CAMK4: variants seen among roughly 807,000 people sequenced by gnomAD.
The protein encoded by CAMK4 is calcium/calmodulin dependent protein kinase IV.
In CAMK4, 22 loss-of-function variants were observed where a neutral mutation model predicts 44.9. That is an observed-to-expected ratio of 0.49 (90% CI 0.35 to 0.70). The LOEUF is 0.70. CAMK4 is among the 30% of genes least tolerant of loss of function. CAMK4 has a pLI of 0.01. For missense variants in CAMK4, 498 were observed against 586.8 expected (o/e 0.85, Z 1.56); for synonymous variants, 218 against 215.4 (o/e 1.01, Z -0.11).
chr5:111,379,446 C>G (rs1235448065), intron 4 of CAMK4, among the ~76,000 whole-genome samples: 1 of 152,124 alleles, frequency 6.6e-6, no homozygotes, highest in Non-Finnish European at 1.5e-5. Context: ...GTAAAGCACT[C>G]AACTCTTAGT....
At chr5:111,449,426 T>C (rs1019048977) in intron 7 of CAMK4, among the ~76,000 whole-genome samples, 1 of 152,154 alleles carries the variant, frequency 6.6e-6, no homozygotes, top group Non-Finnish European at 1.5e-5. Flanking sequence ...TAGAATGCCT[T>C]TGAGCCAGTG....
At chr5:111,312,379 A>C (rs1748244071) in intron 1 of CAMK4, among the ~76,000 whole-genome samples, 1 of 152,186 alleles carries the variant, frequency 6.6e-6, no homozygotes, top group Non-Finnish European at 1.5e-5. Context: ...TTTCATCTGT[A>C]AAATAGACAT....
intron 2 of CAMK4, among the ~76,000 whole-genome samples, chr5:111,367,224 C>A (rs184665440): frequency 6.6e-6 from 1 of 150,902 alleles, no homozygotes; most frequent in African/African-American, 2.4e-5. Flanking sequence ...GGCAGATGGG[C>A]AGGATCCTGA....
intron 1 of CAMK4, among the ~76,000 whole-genome samples, chr5:111,263,948 T>C (rs907703747): frequency 3.9e-5 from 6 of 152,176 alleles, no homozygotes; most frequent in African/African-American, 1.4e-4. Flanking sequence ...AAAAGCCACC[T>C]CACCTCTTCC....
intron 5 of CAMK4, among the ~76,000 whole-genome samples, chr5:111,401,028 C>T: frequency 6.6e-6 from 1 of 152,168 alleles, no homozygotes; most frequent in Non-Finnish European, 1.5e-5. Context: ...GCCTTTCTTC[C>T]CTTTTTCTAG....
At chr5:111,319,836 TCCAA>T (rs199607101) in intron 1 of CAMK4, among the ~76,000 whole-genome samples, 8,941 of 152,150 alleles carry the variant, frequency 0.059, 353 homozygotes, top group African/African-American at 0.1. Context: ...AATGTTGACA[TCCAA>T]TTAAAAAAAA....
chr5:111,223,615 A>T (rs1366191328), upstream of CAMK4: 1 of 152,308 alleles, frequency 6.6e-6, no homozygotes, highest in Non-Finnish European at 1.5e-5. The surrounding 1 kb of genome is among the most constrained non-coding windows in gnomAD (Gnocchi z 4.3). Context: ...ACAGCCAAGT[A>T]TCTCCTCTTT....
intron 1 of CAMK4, among the ~76,000 whole-genome samples, chr5:111,247,612 T>G (rs531680575): frequency 6.6e-6 from 1 of 152,040 alleles, no homozygotes; most frequent in Admixed American, 6.6e-5. Flanking sequence ...CAATCGAAAG[T>G]CTGGAGCGGG....
intron 1 of CAMK4, among the ~76,000 whole-genome samples, chr5:111,269,463 A>G (rs1445296328): frequency 2.6e-5 from 4 of 152,100 alleles, no homozygotes; most frequent in African/African-American, 9.7e-5. Flanking sequence ...TGGCCACATA[A>G]CCAGTCCACA....
chr5:111,229,069 C>T (rs1471863249), intron 1 of CAMK4, among the ~76,000 whole-genome samples: 3 of 152,222 alleles, frequency 2.0e-5, no homozygotes, highest in Non-Finnish European at 4.4e-5. Context: ...TATAAGGAAA[C>T]ACGAAAGCGT....
intron 8 of CAMK4, among the ~76,000 whole-genome samples, chr5:111,477,897 G>A (rs1755301271): frequency 6.6e-6 from 1 of 151,980 alleles, no homozygotes; most frequent in Admixed American, 6.6e-5. Context: ...AAAAATAAGT[G>A]AAAATTTCTA....
intron 5 of CAMK4, among the ~76,000 whole-genome samples, chr5:111,409,985 G>C (rs895225825): frequency 1.1e-4 from 16 of 152,044 alleles, no homozygotes; most frequent in Non-Finnish European, 1.9e-4. Flanking sequence ...AGCCCTCCAA[G>C]TCCCTAGGAA....
At chr5:111,467,986 C>T (rs1332633734) in intron 7 of CAMK4, among the ~76,000 whole-genome samples, 1 of 146,136 alleles carries the variant, frequency 6.8e-6, no homozygotes, top group Non-Finnish European at 1.5e-5. Flanking sequence ...GAATACTACT[C>T]AGCCATAAAA....
chr5:111,417,729 T>C (rs1752866270), intron 5 of CAMK4, among the ~76,000 whole-genome samples: 1 of 152,168 alleles, frequency 6.6e-6, no homozygotes, highest in East Asian at 1.9e-4. Flanking sequence ...TTTCCAGATA[T>C]TTGACTTTGC....
rs1036183171 is a variant in CAMK4 at position 111,400,515 on chromosome 5, G to A, written c.459+5733G>A. Among the ~76,000 whole-genome samples the A allele has an allele frequency of 2.8e-4, 43 of 152,192 alleles. 1 individual carries two copies. The highest frequency in any genetic ancestry group is 1.0e-3 in the African/African-American group (42 of 41,542). On this transcript the variant is annotated intron_variant, in intron 5 of 10. Transcript: ENST00000282356. The stretch of plus-strand genomic sequence containing the variant: ...AAAGTTCTTGGGAAATATAATGAAA[G>A]TATAATTATACTCCTTACGTAACAT...
At chr5:111,337,215 A>G (rs961120767) in intron 1 of CAMK4, among the ~76,000 whole-genome samples, 1 of 151,144 alleles carries the variant, frequency 6.6e-6, no homozygotes, top group African/African-American at 2.4e-5. Flanking sequence ...GTAGAATTTC[A>G]CCATATGGAT....
intron 2 of CAMK4, among the ~76,000 whole-genome samples, chr5:111,346,034 TC>T (rs1749848901): frequency 6.6e-6 from 1 of 151,874 alleles, no homozygotes. Context: ...CCCAGTATTG[TC>T]TCCTAGGATA....
chr5:111,268,863 G>T (rs1286410209), intron 1 of CAMK4, among the ~76,000 whole-genome samples: 1 of 151,990 alleles, frequency 6.6e-6, no homozygotes. Flanking sequence ...ATGGGATTAA[G>T]GGAACATAAA....
rs939750192 is a variant in CAMK4 at position 111,494,766 on chromosome 5, G to GT, written c.*10301dup. 1 of 152,090 alleles carries GT rather than the reference G, an allele frequency of 6.6e-6. No individual in the cohort carries two copies. Among genetic ancestry groups the GT allele is most frequent in the Admixed American group, 6.6e-5 (1 of 15,266 alleles). 9.4% of individuals were successfully genotyped at this position (152,090 alleles called of 1,614,324 possible). A position where few individuals can be genotyped will look rare whatever the true frequency, so the allele number is the denominator to read the frequency against. ...GACCTGAGGGCCAATGTTACTTGGT[G>GT]TAAGTTCACTCAGACAGACATGTCA... On this transcript the variant is annotated 3_prime_UTR_variant, in exon 11 of 11. Transcript: ENST00000282356.
Sources: allele counts gnomAD v4.1 joint callset (sites outside exome capture counted in the v4.1 genomes callset), GRCh38; gene constraint gnomAD v4.1.1; non-coding constraint Gnocchi (gnomAD v3.1); transcripts MANE v1.5; gene names NCBI Gene and HGNC (gene_info 2026-07-23, HGNC 2026-07-21).